Variants in APBB2 observed in about 807,000 individuals in gnomAD.
The protein encoded by APBB2 is Fe65-like 1.
Under a neutral mutation model 82.5 loss-of-function variants are expected in APBB2, and 38 were observed. That is an observed-to-expected ratio of 0.46 (90% confidence interval 0.36 to 0.60). The LOEUF is 0.60. APBB2 is among the 20% of genes least tolerant of loss of function. APBB2 has a pLI of 0.00. For missense variants in APBB2, 772 were observed against 972.3 expected, an observed-to-expected ratio of 0.79 and a Z score of 2.74; for synonymous variants, 341 against 368.2, an observed-to-expected ratio of 0.93 and a Z score of 0.85.
intron 12 of APBB2, among the ~76,000 whole-genome samples, chr4:40,884,958 T>C (rs1769796369): frequency 6.6e-6 from 1 of 152,194 alleles, no homozygotes; most frequent in Non-Finnish European, 1.5e-5. Context: ...ATGAATAATC[T>C]ATGACACAGA....
chr4:41,198,781 G>T (rs10084917), intron 1 of APBB2, among the ~76,000 whole-genome samples: 3 of 152,070 alleles, frequency 2.0e-5, no homozygotes, highest in African/African-American at 7.3e-5. Context: ...AAAGTCTTCA[G>T]GAGAGGACCC....
intron 4 of APBB2, among the ~76,000 whole-genome samples, chr4:41,041,316 A>G (rs1248551675): frequency 1.3e-5 from 2 of 152,230 alleles, no homozygotes; most frequent in Non-Finnish European, 2.9e-5. Flanking sequence ...TTTCAGTTAA[A>G]CAAGTAAAAT....
At chr4:40,983,774 C>T (rs986326897) in intron 6 of APBB2, among the ~76,000 whole-genome samples, 13 of 152,116 alleles carry the variant, frequency 8.5e-5, no homozygotes, top group Non-Finnish European at 1.9e-4. Context: ...GACGGGGTTC[C>T]ACACGTCGGC....
At chr4:41,049,926 C>G (rs374682777) in intron 4 of APBB2, among the ~76,000 whole-genome samples, 2 of 151,998 alleles carry the variant, frequency 1.3e-5, no homozygotes, top group Non-Finnish European at 2.9e-5. Flanking sequence ...GCAGCATGCT[C>G]GTTAAGAGTC....
At chr4:41,203,209 T>TAC (rs144398656) in intron 1 of APBB2, among the ~76,000 whole-genome samples, 38 of 152,018 alleles carry the variant, frequency 2.5e-4, no homozygotes, top group Non-Finnish European at 5.1e-4. Flanking sequence ...GATACACATA[T>TAC]ACACACACAC....
chr4:41,012,499 G>T (rs1808655927), intron 6 of APBB2, among the ~76,000 whole-genome samples: 1 of 152,088 alleles, frequency 6.6e-6, no homozygotes, highest in Non-Finnish European at 1.5e-5. Flanking sequence ...CCTCCCTACT[G>T]CCACATTCCA....
intron 11 of APBB2, chr4:40,893,003 G>A (rs1294283266): frequency 4.2e-5 from 13 of 312,978 alleles, no homozygotes; most frequent in Non-Finnish European, 7.3e-5. Context: ...GGAGTTCTGG[G>A]CCCCTAAAGC....
chr4:41,197,424 T>C, intron 1 of APBB2, among the ~76,000 whole-genome samples: 1 of 152,216 alleles, frequency 6.6e-6, no homozygotes. Context: ...GCACTTATTT[T>C]GGCCAAACAC....
Position 40,961,533 on chromosome 4 carries a change from T to A in APBB2, c.836-16460A>T, listed in dbSNP as rs200803251. 3.4e-5 allele frequency among the ~76,000 whole-genome samples: 5 copies of A among 147,756 alleles called. No individual in the cohort carries two copies. In the East Asian group the frequency reaches 1.0e-3, roughly 31 times the overall value. On this transcript the variant is annotated intron_variant, in intron 6 of 17. Transcript: ENST00000508593. ...GGGGGAGGGATAGCATTGGGAGATATACCTAATGCTAGATGTCGAGTTAGT... is the reference window on the plus strand; with the variant it reads ...GGGGGAGGGATAGCATTGGGAGATAAACCTAATGCTAGATGTCGAGTTAGT...
intron 3 of APBB2, among the ~76,000 whole-genome samples, chr4:41,070,548 C>T (rs773632481): frequency 1.3e-4 from 20 of 152,116 alleles, no homozygotes; most frequent in Non-Finnish European, 2.6e-4. Flanking sequence ...GCGATCCACC[C>T]GCCTCGGCCT....
At chr4:40,900,832 A>C (rs1775073118) in intron 10 of APBB2, among the ~76,000 whole-genome samples, 1 of 151,590 alleles carries the variant, frequency 6.6e-6, no homozygotes, top group African/African-American at 2.4e-5. Context: ...TGAGCCTTAC[A>C]GGACAGATTA....
intron 2 of APBB2, 66 bp from the exon 3 acceptor site, chr4:41,100,816 C>A (rs549724310): frequency 6.6e-6 from 1 of 152,242 alleles, no homozygotes; most frequent in East Asian, 1.9e-4. Flanking sequence ...AATCAAAATA[C>A]CCGACTGTCA....
intron 12 of APBB2, among the ~76,000 whole-genome samples, chr4:40,856,517 GCA>G (rs1012528108): frequency 3.9e-5 from 6 of 152,196 alleles, no homozygotes; most frequent in African/African-American, 7.2e-5. Context: ...ATTTGGAAAT[GCA>G]CAGTTTTTCT....
At chr4:41,095,471 G>A (rs1477527364) in intron 3 of APBB2, among the ~76,000 whole-genome samples, 2 of 152,172 alleles carry the variant, frequency 1.3e-5, no homozygotes, top group Non-Finnish European at 2.9e-5. Flanking sequence ...GACAGGGAAC[G>A]AGCCCATTGA....
chr4:40,991,010 C>CTTTTTTTTTTTTTTTTTT lies in APBB2; in HGVS notation c.835+22572_835+22573insAAAAAAAAAAAAAAAAAA, dbSNP rs1491223078. 7.0e-5 allele frequency among the ~76,000 whole-genome samples: 9 copies of CTTTTTTTTTTTTTTTTTT among 128,652 alleles called. 3 individuals carry two copies. The highest frequency in any genetic ancestry group is 5.7e-4 in the East Asian group (2 of 3,534). 84.4% of individuals were successfully genotyped at this position (128,652 alleles called of 152,430 possible). ...TTTCTGGTCATTTTGGACTGAGTTTCATTTTTTTTTTTTTTGGAGGCAAGG... is the reference window on the plus strand; with the variant it reads ...TTTCTGGTCATTTTGGACTGAGTTTCTTTTTTTTTTTTTTTTTTATTTTTTTTTTTTTTGGAGGCAAGG... On this transcript the variant is annotated intron_variant, in intron 6 of 17. Coordinates refer to ENST00000508593, the MANE Select transcript of APBB2 (RefSeq NM_004307.2).
chr4:41,206,128 A>G (rs1777866820), intron 1 of APBB2, among the ~76,000 whole-genome samples: 2 of 152,196 alleles, frequency 1.3e-5, no homozygotes, highest in South Asian at 4.1e-4. Flanking sequence ...CAGAGATTTG[A>G]AAGGCCAAAT....
At chr4:40,964,186 CT>C (rs1794008935) in intron 6 of APBB2, among the ~76,000 whole-genome samples, 2 of 152,146 alleles carry the variant, frequency 1.3e-5, no homozygotes, top group Non-Finnish European at 2.9e-5. Flanking sequence ...GATTTTCTTA[CT>C]GTGACTAAAG....
chr4:41,044,866 G>A (rs1302780760), intron 4 of APBB2, among the ~76,000 whole-genome samples: 1 of 152,062 alleles, frequency 6.6e-6, no homozygotes, highest in African/African-American at 2.4e-5. Flanking sequence ...CTTTCAAAAA[G>A]TAGTTTCAAT....
intron 2 of APBB2, among the ~76,000 whole-genome samples, chr4:41,107,589 T>C (rs1425413658): frequency 6.6e-6 from 1 of 152,150 alleles, no homozygotes; most frequent in Non-Finnish European, 1.5e-5. Context: ...CCCCACAGAT[T>C]ACCTAAGAGA....
Sources: gnomAD v4.1 joint callset for allele counts (sites outside exome capture counted in the v4.1 genomes callset) on GRCh38, gnomAD v4.1.1 for gene constraint, MANE v1.5 for transcripts, NCBI Gene and HGNC (gene_info 2026-07-23, HGNC 2026-07-21) for gene names.